PFKFB3: variants seen among roughly 807,000 people sequenced by gnomAD.
The protein encoded by PFKFB3 is 6-phosphofructo-2-kinase/fructose-2,6-bisphosphatase 3.
In PFKFB3, 33 loss-of-function variants were observed where a neutral mutation model predicts 68.0. The ratio of observed to expected loss-of-function variants is 0.49; its 90% CI spans 0.37 to 0.65. The LOEUF (loss-of-function observed/expected upper bound fraction) is 0.65, where lower values mean the gene tolerates loss of function less well. Ranked by LOEUF, PFKFB3 falls within the 30% of genes least tolerant of loss-of-function variation. PFKFB3 has a pLI of 0.00. For synonymous variants in PFKFB3, 315 were observed against 288.2 expected (o/e 1.09, Z -0.94); for missense variants, 586 against 712.2 (o/e 0.82, Z 2.02).
chr10:6,280,039 T>A, the PFKFB3 span, among the ~76,000 whole-genome samples: 6 of 152,180 alleles, frequency 3.9e-5, no homozygotes, highest in African/African-American at 1.4e-4. Context: ...GCTGTCCGTG[T>A]CACACAGCGG....
rs757636201 is a variant in PFKFB3 at position 6,228,184 on chromosome 10, TCTC to T, written c.1515+1824_1515+1826del. Reference sequence around the variant, plus strand: ...CTCCTGACTGACTTCTCTCTCTGCTTCTCCTCCGCAGCCTTTGCTAGGGCAAGC... The same window carrying T: ...CTCCTGACTGACTTCTCTCTCTGCTTCTCCGCAGCCTTTGCTAGGGCAAGC... On this transcript the variant is annotated intron_variant, in intron 14 of 14. Transcript: ENST00000379775. The surrounding 1 kb of genome is among the most constrained non-coding windows in gnomAD (Gnocchi z 4.5). The T allele has an allele frequency of 1.5e-5, 24 of 1,612,660 alleles. No homozygotes were observed. The highest frequency in any genetic ancestry group is 4.0e-5 in the African/African-American group (3 of 74,934).
chr10:6,291,885 C>CA, the PFKFB3 span, among the ~76,000 whole-genome samples: 2 of 149,810 alleles, frequency 1.3e-5, no homozygotes, highest in African/African-American at 2.4e-5. Flanking sequence ...TCAGAACAAT[C>CA]ATCACCATCT....
the PFKFB3 span, among the ~76,000 whole-genome samples, chr10:6,307,330 TACACACACACACACACAC>T: frequency 1.0e-4 from 10 of 99,186 alleles, no homozygotes; most frequent in Non-Finnish European, 2.1e-4. Flanking sequence ...GCATGCGTAC[TACACACACACACACACAC>T]ACACACACAC....
Position 6,235,210 on chromosome 10 carries a change from A to G in PFKFB3, c.*2268A>G, listed in dbSNP as rs1391649891. 6.5e-6 allele frequency: 1 copy of G among 152,796 alleles called. No individual in the cohort carries two copies. The highest frequency in any genetic ancestry group is 1.5e-5 in the Non-Finnish European group (1 of 68,036). The allele number at this position is 152,796 out of a possible 1,614,324, so 9.5% of individuals were successfully genotyped here. On this transcript the variant is annotated 3_prime_UTR_variant, in exon 15 of 15. Transcript: ENST00000379775. ...AAGCTCTTCATTTTGAGAGAGAAGA[A>G]AAACTGTTTGGAACCACACCAATGA...
chr10:6,269,470 G>T, the PFKFB3 span, among the ~76,000 whole-genome samples: 1 of 152,150 alleles, frequency 6.6e-6, no homozygotes, highest in Non-Finnish European at 1.5e-5. Context: ...GGATGATTTG[G>T]TCTTGTCTTA....
intron 1 of PFKFB3, among the ~76,000 whole-genome samples, chr10:6,206,401 C>G (rs7902148): frequency 0.15 from 15,436 of 103,096 alleles, 1,708 homozygotes; most frequent in Non-Finnish European, 0.22. Context: ...TTCCCCGCCC[C>G]TTTCCCCCCT....
At chr10:6,192,366 CTTTTTTTT>C (rs149846128) in intron 1 of PFKFB3, among the ~76,000 whole-genome samples, 56 of 113,064 alleles carry the variant, frequency 5.0e-4, no homozygotes, top group African/African-American at 1.7e-3. Flanking sequence ...TTTCTTTCTT[CTTTTTTTT>C]TTTTTTTTTT....
chr10:6,220,568 C>A lies in PFKFB3; in HGVS notation c.624-90C>A. The A allele has an allele frequency of 1.6e-6, 2 of 1,214,250 alleles. No individual in the cohort carries two copies. Among genetic ancestry groups the A allele is most frequent in the Non-Finnish European group, 2.4e-6 (2 of 830,042 alleles). 75.2% of individuals were successfully genotyped at this position (1,214,250 alleles called of 1,614,324 possible). ...GGGCCTACGGTCCCGCCTTGCTGTT[C>A]TCTGGGGATCACATCTTCGGAGACG... On this transcript the variant is annotated intron_variant, in intron 7 of 14. Coordinates refer to ENST00000379775, the MANE Select transcript of PFKFB3 (RefSeq NM_004566.4). The surrounding 1 kb of genome is among the most constrained non-coding windows in gnomAD (Gnocchi z 4.1).
the PFKFB3 span, among the ~76,000 whole-genome samples, chr10:6,314,070 C>CTGT: frequency 6.6e-6 from 1 of 152,242 alleles, no homozygotes; most frequent in Non-Finnish European, 1.5e-5. Flanking sequence ...AGGGCAGTCA[C>CTGT]TGTTTCCTGA....
chr10:6,207,030 T>C (rs11257270), intron 1 of PFKFB3, among the ~76,000 whole-genome samples: 88,525 of 124,708 alleles, frequency 0.71, 32,029 homozygotes, highest in East Asian at 0.99. Context: ...ACTTCCCAGA[T>C]GGGGTGGCGG....
At chr10:6,321,401 A>T in the PFKFB3 span, among the ~76,000 whole-genome samples, 2 of 150,372 alleles carry the variant, frequency 1.3e-5, no homozygotes, top group African/African-American at 4.9e-5. Context: ...TTCAGTAAAC[A>T]ATCAAACAAA....
chr10:6,263,472 G>T, the PFKFB3 span, among the ~76,000 whole-genome samples: 1 of 152,204 alleles, frequency 6.6e-6, no homozygotes, highest in Non-Finnish European at 1.5e-5. Context: ...AGATTTTGGG[G>T]GGCTTGTTCC....
the PFKFB3 span, among the ~76,000 whole-genome samples, chr10:6,317,434 G>T: frequency 6.6e-6 from 1 of 152,198 alleles, no homozygotes; most frequent in Non-Finnish European, 1.5e-5. Flanking sequence ...TAGGCTAAAT[G>T]ATGACTGAAA....
the PFKFB3 span, chr10:6,326,629 G>T: frequency 6.8e-6 from 3 of 443,512 alleles, no homozygotes; most frequent in Middle Eastern, 3.3e-4. Flanking sequence ...AACGTTTCTG[G>T]CTCCATCCAA....
the PFKFB3 span, among the ~76,000 whole-genome samples, chr10:6,307,894 A>G: frequency 6.6e-6 from 1 of 152,244 alleles, no homozygotes; most frequent in South Asian, 2.1e-4. Flanking sequence ...GATTAATGCC[A>G]TTATGCCAGG....
the PFKFB3 span, among the ~76,000 whole-genome samples, chr10:6,272,422 G>A: frequency 1.3e-5 from 2 of 152,136 alleles, no homozygotes; most frequent in African/African-American, 2.4e-5. Context: ...GGCTGGGCAC[G>A]GTGGCTCATG....
chr10:6,233,020 A>G lies in PFKFB3; in HGVS notation c.*78A>G. ...CTGCCCTCCGCCCGAGGCAAAACGT[A>G]TCCTGAGGACTTCTTCCGGAGAGGG... On this transcript the variant is annotated 3_prime_UTR_variant, in exon 15 of 15. Coordinates refer to ENST00000379775, the MANE Select transcript of PFKFB3 (RefSeq NM_004566.4). The G allele has an allele frequency of 5.3e-6, 6 of 1,140,374 alleles. No individual in the cohort carries two copies. Among genetic ancestry groups the G allele is most frequent in the Non-Finnish European group, 6.7e-6 (5 of 749,688 alleles). 70.6% of individuals were successfully genotyped at this position (1,140,374 alleles called of 1,614,324 possible).
chr10:6,178,561 G>C (rs894117068), intron 1 of PFKFB3, among the ~76,000 whole-genome samples: 13 of 13,434 alleles, frequency 9.7e-4, no homozygotes, highest in African/African-American at 1.2e-3. Flanking sequence ...GGAGCTGCTG[G>C]AGAGCTTCCG....
chr10:6,249,002 T>C (rs4750170), intron 14 of PFKFB3, among the ~76,000 whole-genome samples: 146,743 of 152,052 alleles, frequency 0.97, 71,047 homozygotes, highest in East Asian at 1. Context: ...GGAGAAACCC[T>C]GTCTCTACTA....
Sources: allele counts gnomAD v4.1 joint callset (sites outside exome capture counted in the v4.1 genomes callset), GRCh38; gene constraint gnomAD v4.1.1; non-coding constraint Gnocchi (gnomAD v3.1); transcripts MANE v1.5; gene names NCBI Gene and HGNC (gene_info 2026-07-23, HGNC 2026-07-21).